Variants in CREM observed in about 807,000 individuals in gnomAD.
CREM encodes the protein cAMP-responsive element modulator.
CREM carries 13 observed loss-of-function variants against 37.3 expected under a neutral mutation model. That is an observed-to-expected ratio of 0.35 (90% CI 0.23 to 0.55). CREM has a LOEUF of 0.55. Among genes scored for constraint, CREM ranks in the 20% least tolerant of loss-of-function variants. CREM has a pLI of 0.88. For missense variants in CREM, 296 were observed against 362.3 expected (o/e 0.82, Z 1.49); for synonymous variants, 124 against 120.2 (o/e 1.03, Z -0.21).
At chr10:35,185,241 T>C (rs1049382227) in intron 5 of CREM, among the ~76,000 whole-genome samples, 1 of 152,050 alleles carries the variant, frequency 6.6e-6, no homozygotes, top group Non-Finnish European at 1.5e-5. Context: ...GAGCTGGGAT[T>C]GCAGGCATGC....
intron 6 of CREM, among the ~76,000 whole-genome samples, chr10:35,194,924 T>G (rs1465354010): frequency 6.6e-6 from 1 of 151,924 alleles, no homozygotes; most frequent in East Asian, 1.9e-4. Flanking sequence ...ATTATTATTA[T>G]TATTTGCTAG....
At chr10:35,166,597 C>T (rs996631157) in intron 3 of CREM, among the ~76,000 whole-genome samples, 8 of 150,974 alleles carry the variant, frequency 5.3e-5, no homozygotes, top group Non-Finnish European at 1.0e-4. Flanking sequence ...GGTGTGGTGG[C>T]GGGCACCTGT....
At chr10:35,195,011 A>G (rs994077433) in intron 6 of CREM, 3 of 495,044 alleles carry the variant, frequency 6.1e-6, no homozygotes, top group Non-Finnish European at 1.1e-5. Flanking sequence ...AAGAGTTTTT[A>G]TAGGGCTTGG....
chr10:35,151,648 ACTGGTGTGAGCCACTGCACCTGGC>A (rs1175094099), intron 3 of CREM, among the ~76,000 whole-genome samples: 3 of 152,266 alleles, frequency 2.0e-5, no homozygotes, highest in Non-Finnish European at 2.9e-5. Context: ...TGCTGGGATT[ACTGGTGTGAGCCACTGCACCTGGC>A]CTGTTTGAAG....
Position 35,211,580 on chromosome 10 carries a change from C to A in CREM, c.*182C>A. On this transcript the variant is annotated 3_prime_UTR_variant, in exon 8 of 8. Transcript: ENST00000685392. ...TGGAATGCAGCCGTGATCACACTTA[C>A]CGAGCTTACTTTGATCTGTTTGTCA... 6.4e-7 allele frequency: 1 copy of A among 1,554,542 alleles called. No homozygotes were observed. The highest frequency in any genetic ancestry group is 1.4e-5 in the African/African-American group (1 of 73,052).
intron 3 of CREM, among the ~76,000 whole-genome samples, chr10:35,174,421 A>G (rs1231625253): frequency 1.3e-5 from 2 of 152,232 alleles, no homozygotes; most frequent in Non-Finnish European, 2.9e-5. Context: ...TCTTACACGG[A>G]TAAAACATGT....
chr10:35,176,067 T>G lies in CREM; in HGVS notation c.169-2822T>G. 3.3e-6 allele frequency: 5 copies of G among 1,498,594 alleles called. No individual in the cohort carries two copies. The South Asian group carries it at 5.4e-5, about 16-fold the overall frequency. 92.8% of individuals were successfully genotyped at this position (1,498,594 alleles called of 1,614,324 possible). A position where few individuals can be genotyped will look rare whatever the true frequency, so the allele number is the denominator to read the frequency against. On this transcript the variant is annotated intron_variant, in intron 3 of 7. Coordinates refer to ENST00000685392, the MANE Select transcript of CREM (RefSeq NM_183011.2). ...GCCATTTTTTTCCTCTTTCACTAATTCATTTATCATTTTTCTTTATGAAGT... is the reference window on the plus strand; with the variant it reads ...GCCATTTTTTTCCTCTTTCACTAATGCATTTATCATTTTTCTTTATGAAGT...
intron 3 of CREM, among the ~76,000 whole-genome samples, chr10:35,165,351 C>T (rs902302223): frequency 6.6e-6 from 1 of 151,952 alleles, no homozygotes; most frequent in South Asian, 2.1e-4. Context: ...TGAGGGATCC[C>T]CCATGACCCA....
intron 5 of CREM, among the ~76,000 whole-genome samples, chr10:35,183,527 C>CT (rs2094438779): frequency 6.6e-6 from 1 of 152,146 alleles, no homozygotes; most frequent in Admixed American, 6.5e-5. Context: ...ATGATTTAGT[C>CT]TTCCTTCTGC....
intron 6 of CREM, among the ~76,000 whole-genome samples, chr10:35,199,452 C>CT (rs1330387744): frequency 6.6e-6 from 1 of 152,016 alleles, no homozygotes; most frequent in African/African-American, 2.4e-5. Flanking sequence ...TTTATGTAAA[C>CT]TTTAAAATAA....
At chr10:35,128,662 A>T (rs538175611) in intron 1 of CREM, among the ~76,000 whole-genome samples, 1 of 151,364 alleles carries the variant, frequency 6.6e-6, no homozygotes, top group Non-Finnish European at 1.5e-5. Flanking sequence ...AGTAGCTGGG[A>T]CTACAGGCGC....
At chr10:35,161,827 G>A (rs112415605) in intron 3 of CREM, among the ~76,000 whole-genome samples, 3 of 152,184 alleles carry the variant, frequency 2.0e-5, no homozygotes, top group African/African-American at 7.2e-5. Flanking sequence ...CTGACGGTGG[G>A]AATGTAAATT....
chr10:35,181,743 GT>G (rs763220891), intron 5 of CREM, among the ~76,000 whole-genome samples: 25 of 152,084 alleles, frequency 1.6e-4, no homozygotes, highest in Non-Finnish European at 2.6e-4. Flanking sequence ...GGGTGTGGTG[GT>G]ATGCGCTCAT....
In CREM at chr10:35,179,160, A is replaced by T; in HGVS notation, c.293A>T (p.Asp98Val). 2 of 1,613,834 alleles carry T rather than the reference A, an allele frequency of 1.2e-6. No homozygotes were observed. The change falls in exon 5 of 8, where the codon GAT becomes GTT. Residue 98 changes from aspartate (D) to valine (V), a missense_variant. This residue lies in a region of CREM where 257 missense variants were observed against 280.2 expected (regional missense o/e 0.92). Transcript: ENST00000685392. ...AAAATACTGAATGAACTGTCCTCTG[A>T]TGTGCCTGGTGTTCCCAAGATTGAA... The part of the protein sequence containing the change: ...YRKILNELSS[D>V]VPGVPKIEEE...
chr10:35,175,770 T>C, intron 3 of CREM: 1 of 1,613,874 alleles, frequency 6.2e-7, no homozygotes, highest in East Asian at 2.2e-5. Flanking sequence ...CCAGTCATAT[T>C]AGTGAGTGGT....
At chr10:35,165,056 C>CAAAAAAAAAAAAAA (rs60898349) in intron 3 of CREM, among the ~76,000 whole-genome samples, 5 of 74,896 alleles carry the variant, frequency 6.7e-5, no homozygotes, top group African/African-American at 1.6e-4. Context: ...GGCTCCATCT[C>CAAAAAAAAAAAAAA]AAAAAAAAAA....
chr10:35,196,121 AG>A, intron 6 of CREM: 1 of 1,613,784 alleles, frequency 6.2e-7, no homozygotes, highest in Non-Finnish European at 8.5e-7. Context: ...CCTCCTACTG[AG>A]GCCGTCCCTG....
At chr10:35,152,872 TTTG>T (rs1172136015) in intron 3 of CREM, among the ~76,000 whole-genome samples, 1 of 152,222 alleles carries the variant, frequency 6.6e-6, no homozygotes, top group Non-Finnish European at 1.5e-5. Flanking sequence ...TAAAACTTCT[TTTG>T]TTGTGAAAGA....
chr10:35,155,019 G>A (rs17590863), intron 3 of CREM, among the ~76,000 whole-genome samples: 89 of 152,230 alleles, frequency 5.8e-4, no homozygotes, highest in Non-Finnish European at 1.1e-3. Context: ...GTGTATTAAA[G>A]GTGACAGTAC....
Sources: gnomAD v4.1 joint callset for allele counts (sites outside exome capture counted in the v4.1 genomes callset) on GRCh38, gnomAD v4.1.1 for gene constraint, gnomAD v4.1.1 regional missense constraint, MANE v1.5 for transcripts, NCBI Gene and HGNC (gene_info 2026-07-23, HGNC 2026-07-21) for gene names.